TXNRD1: variants seen among roughly 807,000 people sequenced by gnomAD.
TXNRD1 encodes thioredoxin reductase 1, cytoplasmic.
Under a neutral mutation model 80.3 loss-of-function variants are expected in TXNRD1, and 57 were observed. The ratio of observed to expected loss-of-function variants is 0.71; its 90% confidence interval spans 0.57 to 0.89. The LOEUF (loss-of-function observed/expected upper bound fraction) is 0.89, where lower values mean the gene tolerates loss of function less well. Among genes scored for constraint, TXNRD1 ranks in the 40% least tolerant of loss-of-function variants. The pLI is 0.00. For synonymous variants in TXNRD1, 291 were observed against 285.2 expected (o/e 1.02, Z -0.20); for missense variants, 730 against 803.0 (o/e 0.91, Z 1.10).
Position 104,289,049 on chromosome 12 carries a change from G to A in TXNRD1, c.414+9G>A. ...ATGGTCCAACCTTGAAGGTAGGAGAGAGTAACGTATCTTTTTAAACGGGGG... is the reference window on the plus strand; with the variant it reads ...ATGGTCCAACCTTGAAGGTAGGAGAAAGTAACGTATCTTTTTAAACGGGGG... On this transcript the variant is annotated intron_variant, in intron 4 of 16. Coordinates refer to ENST00000525566, the MANE Select transcript of TXNRD1 (RefSeq NM_001093771.3). 6.2e-7 allele frequency: 1 copy of A among 1,610,214 alleles called. No homozygotes were observed. The highest frequency in any genetic ancestry group is 1.1e-5 in the South Asian group (1 of 90,996).
chr12:104,347,069 T>A (rs1441178946), intron 16 of TXNRD1, among the ~76,000 whole-genome samples: 1 of 152,162 alleles, frequency 6.6e-6, no homozygotes, highest in Non-Finnish European at 1.5e-5. Flanking sequence ...CACTCCAGCC[T>A]GGGTGACAGA....
intron 4 of TXNRD1, among the ~76,000 whole-genome samples, chr12:104,290,757 A>ATATATATATATG (rs2034172380): frequency 1.8e-5 from 2 of 112,550 alleles, no homozygotes; most frequent in South Asian, 3.2e-4. Flanking sequence ...ATATATATAT[A>ATATATATATATG]TGTATATTTC....
chr12:104,227,816 A>C (rs912342444), intron 1 of TXNRD1, among the ~76,000 whole-genome samples: 2 of 152,216 alleles, frequency 1.3e-5, no homozygotes, highest in Non-Finnish European at 2.9e-5. Flanking sequence ...TTCACACAGC[A>C]TAATACTTTT....
At chr12:104,245,183 A>ATT (rs113947040) in intron 1 of TXNRD1, among the ~76,000 whole-genome samples, 3 of 148,950 alleles carry the variant, frequency 2.0e-5, no homozygotes, top group African/African-American at 7.4e-5. Flanking sequence ...ATTATTTTAG[A>ATT]TTTTTTTTTT....
At chr12:104,234,442 G>A (rs531525583) in intron 1 of TXNRD1, among the ~76,000 whole-genome samples, 43 of 151,924 alleles carry the variant, frequency 2.8e-4, no homozygotes, top group Non-Finnish European at 4.4e-4. Context: ...CTACAAGCAC[G>A]CACCACCATG....
chr12:104,344,976 A>G (rs746244797), intron 16 of TXNRD1, among the ~76,000 whole-genome samples: 8 of 152,192 alleles, frequency 5.3e-5, no homozygotes, highest in Non-Finnish European at 1.0e-4. Flanking sequence ...TGGATTTGCT[A>G]CTGGACCCAC....
chr12:104,232,671 G>A (rs1750916923), intron 1 of TXNRD1, among the ~76,000 whole-genome samples: 1 of 152,152 alleles, frequency 6.6e-6, no homozygotes, highest in Non-Finnish European at 1.5e-5. Flanking sequence ...GGCTCTGCAT[G>A]TCAAGTTTGA....
intron 1 of TXNRD1, 133 bp downstream of exon 1, chr12:104,216,026 C>T: frequency 1.3e-6 from 1 of 750,134 alleles, no homozygotes; most frequent in Non-Finnish European, 2.1e-6. Flanking sequence ...GACCGCGCGC[C>T]ACGCTGGAGA....
chr12:104,315,978 T>C, intron 7 of TXNRD1, 82 bp downstream of exon 7: 1 of 1,463,650 alleles, frequency 6.8e-7, no homozygotes, highest in Middle Eastern at 1.8e-4. Context: ...TCCATTTTCA[T>C]GAAGATAGCA....
At chr12:104,271,158 G>A (rs1050381814) in intron 3 of TXNRD1, among the ~76,000 whole-genome samples, 2 of 151,440 alleles carry the variant, frequency 1.3e-5, no homozygotes, top group African/African-American at 2.4e-5. Flanking sequence ...TCAGCAAAGG[G>A]TGGTGGGATT....
chr12:104,222,744 A>G (rs1405931143), intron 1 of TXNRD1, among the ~76,000 whole-genome samples: 1 of 152,178 alleles, frequency 6.6e-6, no homozygotes, highest in South Asian at 2.1e-4. Flanking sequence ...CCAGCTACTC[A>G]GGAAGCTGAG....
intron 3 of TXNRD1, among the ~76,000 whole-genome samples, chr12:104,267,088 C>T (rs2033508848): frequency 1.3e-5 from 2 of 150,430 alleles, no homozygotes; most frequent in Non-Finnish European, 3.0e-5. Flanking sequence ...ATGGCCTGAA[C>T]CCGGGAGGCA....
intron 4 of TXNRD1, among the ~76,000 whole-genome samples, chr12:104,295,813 A>C (rs2034417106): frequency 6.6e-6 from 1 of 152,224 alleles, no homozygotes; most frequent in African/African-American, 2.4e-5. Flanking sequence ...TTTGGCTTAC[A>C]TATCGAGGTC....
chr12:104,250,124 T>G (rs1429095178), intron 1 of TXNRD1, among the ~76,000 whole-genome samples: 1 of 152,152 alleles, frequency 6.6e-6, no homozygotes, highest in Non-Finnish European at 1.5e-5. Flanking sequence ...GGTCAATTGA[T>G]TTTTGACAAG....
At chr12:104,294,851 T>C (rs749714851) in intron 4 of TXNRD1, among the ~76,000 whole-genome samples, 1 of 152,254 alleles carries the variant, frequency 6.6e-6, no homozygotes, top group Non-Finnish European at 1.5e-5. Flanking sequence ...TGAGTGGTAA[T>C]TGAATAACTC....
At chr12:104,239,860 T>C (rs142709984) in intron 1 of TXNRD1, among the ~76,000 whole-genome samples, 23 of 152,350 alleles carry the variant, frequency 1.5e-4, no homozygotes, top group African/African-American at 4.3e-4. Flanking sequence ...TCTAATTCGT[T>C]GGCATATAAT....
In TXNRD1 at chr12:104,252,690, A is replaced by AT. The variant is rs869239974; in HGVS notation, c.243+1042dup. On this transcript the variant is annotated intron_variant, in intron 2 of 16. Coordinates refer to ENST00000525566, the MANE Select transcript of TXNRD1 (RefSeq NM_001093771.3). ...TATATATATATATATATATATATAT[A>AT]TTTTTTTTTTTTTTTTTTTTTTTTT... 2.5e-3 allele frequency among the ~76,000 whole-genome samples: 101 copies of AT among 39,662 alleles called. 10 individuals carry two copies. Among genetic ancestry groups the AT allele is most frequent in the Non-Finnish European group, 2.8e-3 (69 of 24,670 alleles). The allele number at this position is 39,662 out of a possible 152,430, so 26.0% of individuals were successfully genotyped here. A position where few individuals can be genotyped will look rare whatever the true frequency, so the allele number is the denominator to read the frequency against.
At chr12:104,343,857 A>C (rs1337423790) in intron 16 of TXNRD1, among the ~76,000 whole-genome samples, 6 of 151,230 alleles carry the variant, frequency 4.0e-5, no homozygotes. Context: ...TAATCCCAGC[A>C]CTTTAGGAGG....
At chr12:104,276,379 G>A (rs1161379696) in intron 3 of TXNRD1, among the ~76,000 whole-genome samples, 1 of 152,186 alleles carries the variant, frequency 6.6e-6, no homozygotes, top group Non-Finnish European at 1.5e-5. Context: ...GACGACTTGA[G>A]CCTTTGGGCA....
Sources: gnomAD v4.1 joint callset for allele counts (sites outside exome capture counted in the v4.1 genomes callset) on GRCh38, gnomAD v4.1.1 for gene constraint, MANE v1.5 for transcripts, NCBI Gene and HGNC (gene_info 2026-07-23, HGNC 2026-07-21) for gene names.